Variants in AOPEP observed in about 807,000 individuals in gnomAD.
AOPEP encodes aminopeptidase O (putative).
In AOPEP, 77 loss-of-function variants were observed where a neutral mutation model predicts 98.1. That is an observed-to-expected ratio of 0.78 (90% confidence interval 0.65 to 0.95). The LOEUF (loss-of-function observed/expected upper bound fraction) is 0.95, where lower values mean the gene tolerates loss of function less well. Ranked by LOEUF, AOPEP falls within the 40% of genes least tolerant of loss-of-function variation. The pLI, the probability that AOPEP is intolerant of heterozygous loss-of-function variation, is 0.00. For synonymous variants in AOPEP, 346 were observed against 365.3 expected (o/e 0.95, Z 0.60); for missense variants, 1,024 against 1,024.7 (o/e 1.00, Z 0.01).
chr9:94,882,705 G>A (rs1196081246), intron 5 of AOPEP, among the ~76,000 whole-genome samples: 1 of 152,240 alleles, frequency 6.6e-6, no homozygotes, highest in East Asian at 1.9e-4. Flanking sequence ...GAACGCAGAA[G>A]GCGGAAGTTG....
chr9:95,082,027 G>A (rs918984522), intron 15 of AOPEP, among the ~76,000 whole-genome samples: 7 of 152,016 alleles, frequency 4.6e-5, no homozygotes, highest in Non-Finnish European at 8.8e-5. Flanking sequence ...TGCGGGCTAC[G>A]GTGCAGGGCT....
At chr9:95,043,526 C>T (rs934439296) in intron 13 of AOPEP, among the ~76,000 whole-genome samples, 2 of 152,078 alleles carry the variant, frequency 1.3e-5, no homozygotes, top group Non-Finnish European at 2.9e-5. Context: ...TTGAGTTAAT[C>T]GTTTGCTTTG....
chr9:94,827,484 G>C (rs1854896025), intron 5 of AOPEP, among the ~76,000 whole-genome samples: 2 of 152,162 alleles, frequency 1.3e-5, no homozygotes, highest in South Asian at 4.1e-4. Context: ...AAATTCATAA[G>C]AGAATGTTCC....
At chr9:95,025,105 G>T (rs1302424371) in intron 13 of AOPEP, among the ~76,000 whole-genome samples, 2 of 152,088 alleles carry the variant, frequency 1.3e-5, no homozygotes, top group African/African-American at 4.8e-5. Flanking sequence ...CTTTATGCTA[G>T]AACCATTCTC....
intron 5 of AOPEP, among the ~76,000 whole-genome samples, chr9:94,894,096 A>G (rs2049187551): frequency 6.6e-6 from 1 of 152,226 alleles, no homozygotes; most frequent in African/African-American, 2.4e-5. Flanking sequence ...ATATAGCTCA[A>G]TCTATGGAAT....
rs183603584 is a variant in AOPEP, at chr9:94,912,897, G to A, written c.1365-11089G>A. On this transcript the variant is annotated intron_variant, in intron 5 of 16. Transcript: ENST00000375315. ...AGCTCCCGCTGCACTGCCAGTCACTGCACCAGCCCCAGCAAGGTCTTGTCA... is the reference window on the plus strand; with the variant it reads ...AGCTCCCGCTGCACTGCCAGTCACTACACCAGCCCCAGCAAGGTCTTGTCA... 8.4e-3 allele frequency among the ~76,000 whole-genome samples: 1,279 copies of A among 152,354 alleles called. 8 individuals are homozygous for A. The highest frequency in any genetic ancestry group is 0.024 in the Middle Eastern group (7 of 294).
intron 10 of AOPEP, among the ~76,000 whole-genome samples, chr9:94,974,536 A>G (rs2059721190): frequency 6.6e-6 from 1 of 152,226 alleles, no homozygotes; most frequent in Non-Finnish European, 1.5e-5. Flanking sequence ...TTGCCTCTGG[A>G]TGCAGCTCAC....
the AOPEP span, among the ~76,000 whole-genome samples, chr9:95,136,500 A>G: frequency 6.6e-5 from 10 of 152,212 alleles, no homozygotes; most frequent in African/African-American, 2.4e-4. Context: ...TTAAAAAAAA[A>G]AAAAGATGCA....
At chr9:95,001,865 C>T (rs920960829) in intron 11 of AOPEP, among the ~76,000 whole-genome samples, 2 of 152,032 alleles carry the variant, frequency 1.3e-5, no homozygotes, top group Admixed American at 6.6e-5. Context: ...GTAGCCTCTG[C>T]CTCCCGGGCT....
In AOPEP at chr9:94,972,931, CCT is replaced by C. The variant is rs2059620015; in HGVS notation, c.1916+5131_1916+5132del. Among the ~76,000 whole-genome samples, 1 of 151,448 alleles carries C rather than the reference CCT, an allele frequency of 6.6e-6. No homozygotes were observed. Among genetic ancestry groups the C allele is most frequent in the South Asian group, 2.1e-4 (1 of 4,796 alleles). On this transcript the variant is annotated intron_variant, in intron 10 of 16. Coordinates refer to ENST00000375315, the MANE Select transcript of AOPEP (RefSeq NM_001193329.3). The surrounding 1 kb of genome is among the most constrained non-coding windows in gnomAD (Gnocchi z 4.2). ...GCCAGCCTGGGAGACAGAGTGAGAC[CCT>C]GTCTCAAAAAAAAAAGGAAGAAAAT...
At chr9:94,820,015 G>C (rs1019975350) in intron 5 of AOPEP, among the ~76,000 whole-genome samples, 1 of 136,730 alleles carries the variant, frequency 7.3e-6, no homozygotes, top group African/African-American at 2.7e-5. Flanking sequence ...GCGCAATCTC[G>C]GCTCACTGCA....
chr9:94,975,059 G>A (rs982810938), intron 10 of AOPEP, among the ~76,000 whole-genome samples: 19 of 151,998 alleles, frequency 1.3e-4, no homozygotes, highest in East Asian at 3.9e-4. Context: ...GTGAGACCCC[G>A]TCTCTATAAA....
intron 5 of AOPEP, among the ~76,000 whole-genome samples, chr9:94,857,269 T>C (rs1478665417): frequency 6.6e-6 from 1 of 152,228 alleles, no homozygotes; most frequent in African/African-American, 2.4e-5. Context: ...TGTTCTCTTA[T>C]AGCAGTTCTT....
Position 94,916,279 on chromosome 9 carries a change from T to C in AOPEP, c.1365-7707T>C, listed in dbSNP as rs899670100. ...GAGGTGAGGGAGTGGAATCACATTT[T>C]GTCATCTGCGTGCTCCAATGAGGCT... On this transcript the variant is annotated intron_variant, in intron 5 of 16. Transcript: ENST00000375315. 5.3e-5 allele frequency among the ~76,000 whole-genome samples: 8 copies of C among 152,204 alleles called. 1 individual carries two copies. The highest frequency in any genetic ancestry group is 4.6e-4 in the Admixed American group (7 of 15,274).
chr9:95,101,581 C>T, the AOPEP span: 2 of 1,145,184 alleles, frequency 1.7e-6, no homozygotes, highest in Non-Finnish European at 2.5e-6. Flanking sequence ...AAGATGTGTA[C>T]AGCTCATTCT....
intron 3 of AOPEP, among the ~76,000 whole-genome samples, chr9:94,781,833 T>G (rs568358795): frequency 6.6e-6 from 1 of 151,138 alleles, no homozygotes; most frequent in East Asian, 2.0e-4. Context: ...GTGCTGGGAT[T>G]ATAGGCGTGA....
the AOPEP span, chr9:95,123,552 C>T: frequency 3.7e-6 from 2 of 541,624 alleles, no homozygotes; most frequent in Admixed American, 2.0e-5. Flanking sequence ...AACGGTCGTA[C>T]CAAAAAGGGC....
At chr9:94,792,694 A>T in intron 3 of AOPEP, 71 bp from the exon 4 acceptor site, 1 of 1,364,828 alleles carries the variant, frequency 7.3e-7, no homozygotes, top group Middle Eastern at 2.0e-4. Context: ...AAGTGCCTCG[A>T]GAAGAAATTA....
intron 13 of AOPEP, among the ~76,000 whole-genome samples, chr9:95,009,886 G>A (rs2062362616): frequency 2.6e-5 from 4 of 151,508 alleles, no homozygotes; most frequent in Non-Finnish European, 5.9e-5. Flanking sequence ...GTATCTAGTG[G>A]GCATTTTCAT....
Sources: gnomAD v4.1 joint callset for allele counts (sites outside exome capture counted in the v4.1 genomes callset) on GRCh38, gnomAD v4.1.1 for gene constraint, Gnocchi (gnomAD v3.1) non-coding constraint, MANE v1.5 for transcripts, NCBI Gene and HGNC (gene_info 2026-07-23, HGNC 2026-07-21) for gene names.